Variants in OSBPL8 observed in about 807,000 individuals in gnomAD.
The protein encoded by OSBPL8 is oxysterol-binding protein-related protein 8.
OSBPL8 carries 59 observed loss-of-function variants against 125.5 expected under a neutral mutation model. The observed-to-expected ratio is 0.47, with a 90% CI of 0.38 to 0.58. The LOEUF (loss-of-function observed/expected upper bound fraction) is 0.58. OSBPL8 is among the 20% of genes least tolerant of loss of function. The pLI, the probability that OSBPL8 is intolerant of heterozygous loss-of-function variation, is 0.00. For missense variants in OSBPL8, 758 were observed against 1,047.8 expected (o/e 0.72, Z 3.82); for synonymous variants, 330 against 338.9 (o/e 0.97, Z 0.29).
intron 1 of OSBPL8, among the ~76,000 whole-genome samples, chr12:76,535,998 A>G (rs911433911): frequency 1.8e-4 from 28 of 152,166 alleles, no homozygotes; most frequent in Non-Finnish European, 5.9e-5. Flanking sequence ...GAATCAAACT[A>G]TGTACTTAAA....
chr12:76,509,271 G>C (rs1003860331), intron 1 of OSBPL8, among the ~76,000 whole-genome samples: 2 of 152,112 alleles, frequency 1.3e-5, no homozygotes, highest in African/African-American at 2.4e-5. Flanking sequence ...ACCTAGGTTT[G>C]TGTATTAATA....
intron 4 of OSBPL8, among the ~76,000 whole-genome samples, chr12:76,447,737 G>A (rs1330667496): frequency 6.6e-6 from 1 of 152,116 alleles, no homozygotes; most frequent in African/African-American, 2.4e-5. Flanking sequence ...AGTAGAGATG[G>A]GGTTTCACCA....
intron 4 of OSBPL8, among the ~76,000 whole-genome samples, chr12:76,418,588 C>T (rs11112599): frequency 0.1 from 15,642 of 151,946 alleles, 1,188 homozygotes; most frequent in East Asian, 0.36. Flanking sequence ...CTCAGCGCTT[C>T]GGGAGGCTGA....
chr12:76,516,047 G>C (rs1003359478), intron 1 of OSBPL8, among the ~76,000 whole-genome samples: 3 of 152,138 alleles, frequency 2.0e-5, no homozygotes, highest in African/African-American at 7.2e-5. Flanking sequence ...CAAAGAAAAT[G>C]CATAGCTATA....
At chr12:76,419,210 T>A (rs1283114920) in intron 4 of OSBPL8, among the ~76,000 whole-genome samples, 1 of 152,088 alleles carries the variant, frequency 6.6e-6, no homozygotes, top group East Asian at 1.9e-4. Flanking sequence ...CACTCCAGCC[T>A]GGGAGACAGA....
Position 76,373,284 on chromosome 12 carries a change from G to A in OSBPL8, c.1917+60C>T, listed in dbSNP as rs1952688359. The A allele has an allele frequency of 3.8e-6, 3 of 797,478 alleles. No individual in the cohort carries two copies. The South Asian group carries it at 6.0e-5, about 16-fold the overall frequency. The allele number at this position is 797,478 out of a possible 1,614,324, so 49.4% of individuals were successfully genotyped here. ...GGAATAAGTTTTAAATTTTAAATGT[G>A]ATTTTTTTTTTCCCACAGAATAAAA... On this transcript the variant is annotated intron_variant, in intron 18 of 23. Transcript: ENST00000261183.
chr12:76,519,118 G>A (rs903154479), intron 1 of OSBPL8, among the ~76,000 whole-genome samples: 3 of 152,176 alleles, frequency 2.0e-5, no homozygotes, highest in South Asian at 2.1e-4. Flanking sequence ...CCAACTTTAA[G>A]TTATTTGTTT....
At chr12:76,461,609 T>C (rs1200672845) in intron 2 of OSBPL8, among the ~76,000 whole-genome samples, 5 of 152,044 alleles carry the variant, frequency 3.3e-5, no homozygotes, top group East Asian at 1.9e-4. Flanking sequence ...CAGCTAATTT[T>C]TGTATTTTTA....
rs912852405 is a variant in OSBPL8, at chr12:76,386,477, A to C, written c.1434+102T>G. On this transcript the variant is annotated intron_variant, in intron 13 of 23. Coordinates refer to ENST00000261183, the MANE Select transcript of OSBPL8 (RefSeq NM_020841.5). ...ATTTTGCAATTTTGCTACGTCAAAGAAGCCCAGTAATGTAACTGTTAACAC... is the reference window on the plus strand; with the variant it reads ...ATTTTGCAATTTTGCTACGTCAAAGCAGCCCAGTAATGTAACTGTTAACAC... 9.9e-6 allele frequency: 13 copies of C among 1,306,882 alleles called. No homozygotes were observed. In the African/African-American group the frequency reaches 1.2e-4, roughly 12 times the overall value. 81.0% of individuals were successfully genotyped at this position (1,306,882 alleles called of 1,614,324 possible).
chr12:76,360,670 G>A (rs754842575), intron 21 of OSBPL8, among the ~76,000 whole-genome samples: 9 of 152,350 alleles, frequency 5.9e-5, no homozygotes, highest in East Asian at 1.9e-4. Flanking sequence ...GTATCCAGGC[G>A]TTTCCATACA....
intron 4 of OSBPL8, among the ~76,000 whole-genome samples, chr12:76,435,353 A>G (rs1871328615): frequency 6.6e-6 from 1 of 152,096 alleles, no homozygotes; most frequent in South Asian, 2.1e-4. Flanking sequence ...AAATAGTTGA[A>G]CTCATAGATG....
intron 4 of OSBPL8, among the ~76,000 whole-genome samples, chr12:76,412,648 C>G (rs895959915): frequency 6.6e-6 from 1 of 152,000 alleles, no homozygotes; most frequent in African/African-American, 2.4e-5. Context: ...TGTGAGAACC[C>G]GAGTGTGACA....
chr12:76,555,973 T>G (rs1172395227), intron 1 of OSBPL8, among the ~76,000 whole-genome samples: 2 of 152,210 alleles, frequency 1.3e-5, no homozygotes, highest in Non-Finnish European at 2.9e-5. Flanking sequence ...TAGACACTGC[T>G]TATCTTCAGA....
rs35032176 is a variant in OSBPL8 at position 76,410,050 on chromosome 12, GA to G, written c.288+513del. On this transcript the variant is annotated intron_variant, in intron 5 of 23. Coordinates refer to ENST00000261183, the MANE Select transcript of OSBPL8 (RefSeq NM_020841.5). ...TTTCTCAAATCTGAATTTTCTTCAA[GA>G]AAAAAAATGCTTAACAGGCCTAAGA... Among the ~76,000 whole-genome samples, 3 of 151,718 alleles carry G rather than the reference GA, an allele frequency of 2.0e-5. No homozygotes were observed. In the South Asian group the frequency reaches 6.2e-4, roughly 31 times the overall value.
At chr12:76,373,585 T>A in intron 17 of OSBPL8, 152 bp from the exon 18 acceptor site, 1 of 468,596 alleles carries the variant, frequency 2.1e-6, no homozygotes, top group Non-Finnish European at 3.7e-6. Flanking sequence ...AAATTTTAGT[T>A]AGAAATGTTT....
At chr12:76,467,972 GTTTC>G (rs1875669737) in intron 2 of OSBPL8, among the ~76,000 whole-genome samples, 2 of 152,010 alleles carry the variant, frequency 1.3e-5, no homozygotes, top group African/African-American at 4.8e-5. Flanking sequence ...TTTCTGTGAG[GTTTC>G]TTTTTCTCCT....
At chr12:76,392,902 C>T (rs1413839106) in intron 9 of OSBPL8, 150 bp from the exon 10 acceptor site, 38 of 805,428 alleles carry the variant, frequency 4.7e-5, no homozygotes, top group Non-Finnish European at 6.5e-5. Context: ...TTAATGAAAT[C>T]TTTCCGTTTT....
intron 1 of OSBPL8, among the ~76,000 whole-genome samples, chr12:76,506,019 G>A (rs1176129711): frequency 6.6e-6 from 1 of 150,982 alleles, no homozygotes; most frequent in East Asian, 1.9e-4. Context: ...GACAATGATG[G>A]CTTGCACAGG....
intron 12 of OSBPL8, among the ~76,000 whole-genome samples, chr12:76,388,458 G>T (rs546770618): frequency 6.6e-6 from 1 of 152,212 alleles, no homozygotes; most frequent in African/African-American, 2.4e-5. Flanking sequence ...GAGACAGGGG[G>T]CATCTCTCAA....
Sources: gnomAD v4.1 joint callset for allele counts (sites outside exome capture counted in the v4.1 genomes callset) on GRCh38, gnomAD v4.1.1 for gene constraint, MANE v1.5 for transcripts, NCBI Gene and HGNC (gene_info 2026-07-23, HGNC 2026-07-21) for gene names.